The following ACAD11 variants were observed in gnomAD, a reference collection of about 807,000 sequenced individuals.
ACAD11 encodes acyl-Coenzyme A dehydrogenase family, member 11.
A neutral mutation model predicts 102.2 loss-of-function variants in ACAD11; 83 were observed. The ratio of observed to expected loss-of-function variants is 0.81; its 90% confidence interval spans 0.68 to 0.97. The LOEUF (loss-of-function observed/expected upper bound fraction) is 0.97, where lower values mean the gene tolerates loss of function less well. ACAD11 is among the 50% of genes least tolerant of loss of function. The probability of loss-of-function intolerance (pLI) is 0.00; values close to 1 mark genes in which losing one functional copy is unlikely to be tolerated. For synonymous variants in ACAD11, 324 were observed against 319.8 expected, an observed-to-expected ratio of 1.01 and a Z score of -0.14; for missense variants, 901 against 951.7, an observed-to-expected ratio of 0.95 and a Z score of 0.70.
At chr3:132,630,959 T>C (rs948090007) in intron 6 of ACAD11, among the ~76,000 whole-genome samples, 1 of 151,696 alleles carries the variant, frequency 6.6e-6, no homozygotes, top group Non-Finnish European at 1.5e-5. Context: ...TAGTCCTAGC[T>C]ACTCAGAAGG....
At chr3:132,584,594 C>T (rs756737782) in intron 13 of ACAD11, among the ~76,000 whole-genome samples, 1 of 152,110 alleles carries the variant, frequency 6.6e-6, no homozygotes, top group Non-Finnish European at 1.5e-5. Context: ...GAATTTGATC[C>T]TGTCATTATG....
chr3:132,653,900 T>C (rs1937641006), intron 1 of ACAD11, among the ~76,000 whole-genome samples: 1 of 152,222 alleles, frequency 6.6e-6, no homozygotes, highest in South Asian at 2.1e-4. Context: ...CTTATGTCTT[T>C]AAATATCTTC....
chr3:132,634,032 G>T (rs1940165038), intron 5 of ACAD11, among the ~76,000 whole-genome samples: 1 of 152,076 alleles, frequency 6.6e-6, no homozygotes, highest in Non-Finnish European at 1.5e-5. Flanking sequence ...AAAAGCAATG[G>T]CAACAAAAGC....
chr3:132,589,914 C>T (rs1390507671), intron 13 of ACAD11, among the ~76,000 whole-genome samples: 1 of 152,100 alleles, frequency 6.6e-6, no homozygotes, highest in South Asian at 2.1e-4. Context: ...TCCTTGTTTG[C>T]GTTCGTAAGT....
At chr3:132,655,447 T>C (rs918669686) in intron 1 of ACAD11, among the ~76,000 whole-genome samples, 1 of 152,218 alleles carries the variant, frequency 6.6e-6, no homozygotes, top group African/African-American at 2.4e-5. Context: ...TTGCCCTTGC[T>C]TACACTACTT....
At chr3:132,626,405 C>T (rs192049420) in intron 9 of ACAD11, among the ~76,000 whole-genome samples, 2 of 151,462 alleles carry the variant, frequency 1.3e-5, no homozygotes, top group African/African-American at 4.8e-5. Context: ...AAAAAAAAAG[C>T]TGAAACTTAC....
chr3:132,611,606 A>G (rs1047030512), intron 11 of ACAD11, among the ~76,000 whole-genome samples: 1 of 152,078 alleles, frequency 6.6e-6, no homozygotes, highest in African/African-American at 2.4e-5. Context: ...CCAAATCATC[A>G]GTGAACTCCC....
chr3:132,590,735 T>G (rs922548321), intron 13 of ACAD11, among the ~76,000 whole-genome samples: 1 of 152,240 alleles, frequency 6.6e-6, no homozygotes, highest in African/African-American at 2.4e-5. Context: ...ATTGTGATTT[T>G]GATTTGCATT....
rs1375688576 is a variant in ACAD11, at chr3:132,559,073, G to A, written c.2241C>T (p.Thr747=). 1.2e-6 allele frequency: 2 copies of A among 1,612,880 alleles called. No homozygotes were observed. The highest frequency in any genetic ancestry group is 1.7e-6 in the Non-Finnish European group (2 of 1,179,128). The change falls in exon 20 of 20, where the codon ACC becomes ACT. Residue 747 remains threonine (T), a synonymous_variant. Coordinates refer to ENST00000264990, the MANE Select transcript of ACAD11 (RefSeq NM_032169.5). ...GTCCATCTGCTAAACGCAAAACTCG[G>A]GTTATAGCATACCTGAAAAAGCAAA... ...DYPLANMYAI[T]RVLRLADGPD... is the part of the protein sequence containing the mutation.
At chr3:132,562,493 A>G (rs1475790801) in intron 17 of ACAD11, among the ~76,000 whole-genome samples, 1 of 152,212 alleles carries the variant, frequency 6.6e-6, no homozygotes, top group African/African-American at 2.4e-5. Flanking sequence ...TTGTTGGGTC[A>G]GTGGTAAATG....
chr3:132,568,652 G>A (rs182353019), intron 17 of ACAD11, among the ~76,000 whole-genome samples: 1 of 152,004 alleles, frequency 6.6e-6, no homozygotes, highest in African/African-American at 2.4e-5. Flanking sequence ...AGAGACTGAC[G>A]CATAGATAAT....
At chr3:132,652,946 C>A (rs559353299) in intron 1 of ACAD11, among the ~76,000 whole-genome samples, 1 of 152,148 alleles carries the variant, frequency 6.6e-6, no homozygotes, top group South Asian at 2.1e-4. Context: ...TCAGGTACTA[C>A]AACAGTAAGA....
intron 15 of ACAD11, among the ~76,000 whole-genome samples, chr3:132,578,244 G>A (rs1937550696): frequency 6.6e-6 from 1 of 152,134 alleles, no homozygotes; most frequent in South Asian, 2.1e-4. Flanking sequence ...AATACTTGCT[G>A]AGAGGGTGAT....
chr3:132,626,434 C>T (rs1939815152), intron 9 of ACAD11, among the ~76,000 whole-genome samples: 1 of 151,744 alleles, frequency 6.6e-6, no homozygotes, highest in Non-Finnish European at 1.5e-5. Context: ...GACAAGGCCC[C>T]CAAAGTAGTG....
At chr3:132,623,927 G>A (rs977044482) in intron 9 of ACAD11, among the ~76,000 whole-genome samples, 1 of 152,152 alleles carries the variant, frequency 6.6e-6, no homozygotes, top group African/African-American at 2.4e-5. Flanking sequence ...TTTAGAGAAA[G>A]TAGGTAGGAA....
intron 1 of ACAD11, among the ~76,000 whole-genome samples, chr3:132,656,996 G>A (rs1937845400): frequency 6.6e-6 from 1 of 151,692 alleles, no homozygotes; most frequent in African/African-American, 2.4e-5. Context: ...ATTTTCTTCT[G>A]TCTTTTCACT....
At chr3:132,596,695 C>A (rs1312004187) in intron 13 of ACAD11, among the ~76,000 whole-genome samples, 1 of 151,984 alleles carries the variant, frequency 6.6e-6, no homozygotes, top group East Asian at 1.9e-4. Context: ...AAAAAGGTAA[C>A]AAGAAAGCAA....
At chr3:132,564,669 T>C (rs1188190518) in intron 17 of ACAD11, among the ~76,000 whole-genome samples, 2 of 152,216 alleles carry the variant, frequency 1.3e-5, no homozygotes, top group African/African-American at 4.8e-5. Context: ...GAGCTCTGCA[T>C]TGTGGCTTAC....
At chr3:132,590,001 C>G (rs948568573) in intron 13 of ACAD11, among the ~76,000 whole-genome samples, 2 of 152,174 alleles carry the variant, frequency 1.3e-5, no homozygotes, top group South Asian at 4.1e-4. Flanking sequence ...GGATAATAGC[C>G]TCCAGCTCCA....
Sources: gnomAD v4.1 joint callset for allele counts (sites outside exome capture counted in the v4.1 genomes callset) on GRCh38, gnomAD v4.1.1 for gene constraint, MANE v1.5 for transcripts, NCBI Gene and HGNC (gene_info 2026-07-23, HGNC 2026-07-21) for gene names.